Variants in PTPRD observed in about 807,000 individuals in gnomAD.
The protein encoded by PTPRD is protein tyrosine phosphatase receptor type D.
A neutral mutation model predicts 214.5 loss-of-function variants in PTPRD; 34 were observed. That is an observed-to-expected ratio of 0.16 (90% CI 0.12 to 0.21). PTPRD has a LOEUF of 0.21. Among genes scored for constraint, PTPRD ranks in the 10% least tolerant of loss-of-function variants. The pLI is 1.00. For synonymous variants in PTPRD, 1,128 were observed against 845.7 expected (o/e 1.33, Z -5.79); for missense variants, 2,545 against 2,398.7 (o/e 1.06, Z -1.27).
chr9:9,277,084 C>CCCTT (rs1345600006), intron 9 of PTPRD, among the ~76,000 whole-genome samples: 7 of 151,378 alleles, frequency 4.6e-5, no homozygotes, highest in Non-Finnish European at 1.0e-4. Flanking sequence ...ACAATTCAAT[C>CCCTT]CCTTGTCTAT....
At chr9:9,747,856 G>A (rs2098474259) in intron 6 of PTPRD, among the ~76,000 whole-genome samples, 3 of 152,094 alleles carry the variant, frequency 2.0e-5, no homozygotes, top group African/African-American at 7.2e-5. Context: ...CCTGGCCTGA[G>A]TCTACCATTT....
intron 11 of PTPRD, among the ~76,000 whole-genome samples, chr9:8,948,665 G>C (rs1353225133): frequency 1.4e-5 from 2 of 141,350 alleles, no homozygotes; most frequent in African/African-American, 2.7e-5. Context: ...TACCTCCGTA[G>C]TGATACAAAT....
intron 8 of PTPRD, among the ~76,000 whole-genome samples, chr9:9,531,225 C>T (rs1360689005): frequency 1.3e-5 from 2 of 152,036 alleles, no homozygotes; most frequent in African/African-American, 4.8e-5. Context: ...TAGAATGCTA[C>T]TCAGCACTAA....
chr9:8,647,200 C>G lies in PTPRD; in HGVS notation c.65-10356G>C, dbSNP rs141869788. Among the ~76,000 whole-genome samples, 184 of 152,236 alleles carry G rather than the reference C, an allele frequency of 1.2e-3. 2 individuals are homozygous for G. The highest frequency in any genetic ancestry group is 4.3e-3 in the African/African-American group (178 of 41,542). Reference sequence around the variant, plus strand: ...TTCTCTTTTATGAATATCATTCCACCTCATTGTCATCACAGAGCTCTCTTC... The same window carrying G: ...TTCTCTTTTATGAATATCATTCCACGTCATTGTCATCACAGAGCTCTCTTC... On this transcript the variant is annotated intron_variant, in intron 12 of 45. Transcript: ENST00000381196.
intron 7 of PTPRD, among the ~76,000 whole-genome samples, chr9:9,690,305 CA>C (rs2097247570): frequency 6.6e-6 from 1 of 151,858 alleles, no homozygotes; most frequent in Non-Finnish European, 1.5e-5. Flanking sequence ...ACTGTCTATT[CA>C]GATCTTTTGC....
intron 10 of PTPRD, among the ~76,000 whole-genome samples, chr9:9,099,067 C>A (rs12338951): frequency 6.6e-6 from 1 of 152,120 alleles, no homozygotes; most frequent in Non-Finnish European, 1.5e-5. Flanking sequence ...AGTACAATGA[C>A]ATTTTGATAA....
chr9:9,454,092 G>A (rs2092647197), intron 8 of PTPRD, among the ~76,000 whole-genome samples: 1 of 151,594 alleles, frequency 6.6e-6, no homozygotes, highest in Non-Finnish European at 1.5e-5. Flanking sequence ...AAAAAAAAGT[G>A]TAAGACAATG....
At chr9:10,537,780 T>G (rs373572181) in intron 2 of PTPRD, among the ~76,000 whole-genome samples, 6 of 152,148 alleles carry the variant, frequency 3.9e-5, no homozygotes, top group African/African-American at 1.4e-4. Context: ...TCCTAATAAC[T>G]AAATCTTACA....
intron 9 of PTPRD, among the ~76,000 whole-genome samples, chr9:9,212,521 G>A (rs543349738): frequency 6.6e-6 from 1 of 152,204 alleles, no homozygotes; most frequent in East Asian, 1.9e-4. Flanking sequence ...AATCCATTGA[G>A]CAGCCAAGAA....
At chr9:8,397,273 A>G (rs976716074) in intron 36 of PTPRD, among the ~76,000 whole-genome samples, 5 of 152,088 alleles carry the variant, frequency 3.3e-5, no homozygotes, top group African/African-American at 1.2e-4. Context: ...CCGGAGGGAG[A>G]AAAAGGGATC....
chr9:10,521,420 C>T (rs966528831), intron 2 of PTPRD, among the ~76,000 whole-genome samples: 2 of 152,082 alleles, frequency 1.3e-5, no homozygotes, highest in Non-Finnish European at 2.9e-5. Flanking sequence ...GGATCTACTC[C>T]TGGTGAAGAT....
intron 11 of PTPRD, among the ~76,000 whole-genome samples, chr9:8,957,418 C>T (rs916033652): frequency 2.0e-5 from 3 of 151,638 alleles, no homozygotes; most frequent in African/African-American, 7.3e-5. Context: ...TTACTGAACG[C>T]CTTACTGAAG....
intron 13 of PTPRD, among the ~76,000 whole-genome samples, chr9:8,633,969 A>C (rs912627356): frequency 4.6e-5 from 7 of 152,054 alleles, no homozygotes; most frequent in African/African-American, 1.7e-4. Context: ...GCATAAATCT[A>C]GTACTTAGGC....
chr9:9,438,085 T>G (rs973919044), intron 8 of PTPRD, among the ~76,000 whole-genome samples: 1 of 152,176 alleles, frequency 6.6e-6, no homozygotes, highest in Non-Finnish European at 1.5e-5. Flanking sequence ...TCTCTCTGTA[T>G]CCTAATGTCC....
chr9:10,165,087 G>T (rs2099151161), intron 3 of PTPRD, among the ~76,000 whole-genome samples: 2 of 151,430 alleles, frequency 1.3e-5, no homozygotes, highest in Admixed American at 1.3e-4. Context: ...AAATTCTCAG[G>T]GCCTGGTGCC....
At chr9:9,681,653 C>T (rs918298720) in intron 7 of PTPRD, among the ~76,000 whole-genome samples, 2 of 151,742 alleles carry the variant, frequency 1.3e-5, no homozygotes, top group Non-Finnish European at 2.9e-5. Context: ...CTTCTCCTTA[C>T]ATCTTTTATC....
At chr9:10,555,820 T>C (rs72702815) in intron 2 of PTPRD, among the ~76,000 whole-genome samples, 4,767 of 152,276 alleles carry the variant, frequency 0.031, 74 homozygotes, top group Middle Eastern at 0.095. Flanking sequence ...TCCTCTAAGA[T>C]TCTTTCAAGT....
At chr9:9,077,514 A>T (rs2099753036) in intron 10 of PTPRD, among the ~76,000 whole-genome samples, 1 of 152,120 alleles carries the variant, frequency 6.6e-6, no homozygotes, top group African/African-American at 2.4e-5. Flanking sequence ...ATTAAAATAC[A>T]TACACATGCC....
At chr9:10,479,936 G>T (rs1399078472) in intron 2 of PTPRD, among the ~76,000 whole-genome samples, 5 of 152,072 alleles carry the variant, frequency 3.3e-5, no homozygotes, top group Admixed American at 3.3e-4. Flanking sequence ...AAAATCCGGG[G>T]TCTTAAAATT....
Sources: gnomAD v4.1 joint callset for allele counts (sites outside exome capture counted in the v4.1 genomes callset) on GRCh38, gnomAD v4.1.1 for gene constraint, MANE v1.5 for transcripts, NCBI Gene and HGNC (gene_info 2026-07-23, HGNC 2026-07-21) for gene names.